Variants in PMFBP1 observed in about 807,000 individuals in gnomAD.
PMFBP1 encodes the protein polyamine-modulated factor 1-binding protein 1.
In PMFBP1, 131 loss-of-function variants were observed where a neutral mutation model predicts 137.8. That is an observed-to-expected ratio of 0.95 (90% CI 0.82 to 1.10). The LOEUF (loss-of-function observed/expected upper bound fraction) is 1.10. Among genes scored for constraint, PMFBP1 ranks in the 50% least tolerant of loss-of-function variants. The pLI, the probability that PMFBP1 is intolerant of heterozygous loss-of-function variation, is 0.00. For missense variants in PMFBP1, 1,199 were observed against 1,175.4 expected (o/e 1.02, Z -0.29); for synonymous variants, 490 against 450.4 (o/e 1.09, Z -1.11).
In PMFBP1 at chr16:72,121,154, T is replaced by G. The variant is rs559244584; in HGVS notation, c.2769-1065A>C. ...TTTACTTACACCCTAGTAAAAAGTTTCGTGGTCTTTTCTAGAGGAAATCAA... is the reference window on the plus strand; with the variant it reads ...TTTACTTACACCCTAGTAAAAAGTTGCGTGGTCTTTTCTAGAGGAAATCAA... On this transcript the variant is annotated intron_variant, in intron 19 of 20. Transcript: ENST00000237353. Among the ~76,000 whole-genome samples the G allele has an allele frequency of 8.5e-5, 13 of 152,310 alleles. No individual in the cohort carries two copies. In the East Asian group the frequency reaches 2.5e-3, roughly 29 times the overall value.
At chr16:72,128,480 C>A in intron 14 of PMFBP1, 177 bp downstream of exon 14, 1 of 1,537,666 alleles carries the variant, frequency 6.5e-7, no homozygotes, top group Non-Finnish European at 8.7e-7. Flanking sequence ...AGAAACATTT[C>A]TCTGGCTCAG....
the PMFBP1 span, among the ~76,000 whole-genome samples, chr16:72,195,765 A>C: frequency 2.0e-4 from 30 of 152,220 alleles, no homozygotes; most frequent in Non-Finnish European, 3.8e-4. Flanking sequence ...CAGCAGCACT[A>C]GGTGATGCTG....
At chr16:72,166,663 A>G (rs2043149664) in intron 2 of PMFBP1, among the ~76,000 whole-genome samples, 1 of 152,164 alleles carries the variant, frequency 6.6e-6, no homozygotes, top group South Asian at 2.1e-4. Flanking sequence ...TGTGGTCAGT[A>G]ATTTTAGCCT....
the PMFBP1 span, among the ~76,000 whole-genome samples, chr16:72,235,467 C>T: frequency 1.3e-3 from 201 of 150,258 alleles, no homozygotes; most frequent in Non-Finnish European, 1.8e-3. Flanking sequence ...TCTAACAATC[C>T]TATTTTTCAT....
At chr16:72,209,055 C>T in the PMFBP1 span, among the ~76,000 whole-genome samples, 7 of 152,350 alleles carry the variant, frequency 4.6e-5, no homozygotes, top group Middle Eastern at 3.4e-3. Context: ...CACACACCTC[C>T]GCTCTTAGAC....
intron 4 of PMFBP1, among the ~76,000 whole-genome samples, chr16:72,152,008 C>T (rs768332238): frequency 1.2e-4 from 19 of 152,144 alleles, no homozygotes; most frequent in Non-Finnish European, 1.8e-4. Context: ...ACACTATCTC[C>T]CAGAGTTCCC....
At chr16:72,234,552 C>T in the PMFBP1 span, among the ~76,000 whole-genome samples, 1 of 152,192 alleles carries the variant, frequency 6.6e-6, no homozygotes, top group Admixed American at 6.5e-5. Flanking sequence ...TTAACAGCAA[C>T]GTCCAACCCC....
At chr16:72,126,291 G>A (rs2042457560) in intron 14 of PMFBP1, among the ~76,000 whole-genome samples, 159 bp from the exon 15 acceptor site, 1 of 152,206 alleles carries the variant, frequency 6.6e-6, no homozygotes, top group African/African-American at 2.4e-5. Flanking sequence ...CACTGTAAAA[G>A]GTAGAGCTGT....
chr16:72,155,764 T>A (rs147278699), intron 3 of PMFBP1, among the ~76,000 whole-genome samples: 4 of 152,300 alleles, frequency 2.6e-5, no homozygotes, highest in South Asian at 2.1e-4. Flanking sequence ...CAGTGACTTG[T>A]AATAAACTTA....
chr16:72,163,928 T>TC (rs1555546864), intron 3 of PMFBP1, among the ~76,000 whole-genome samples: 2 of 129,306 alleles, frequency 1.5e-5, no homozygotes, highest in Non-Finnish European at 3.3e-5. Context: ...GTGGAAAGGG[T>TC]GGGGGGGGTG....
At chr16:72,189,597 A>G in the PMFBP1 span, among the ~76,000 whole-genome samples, 1 of 152,258 alleles carries the variant, frequency 6.6e-6, no homozygotes. Flanking sequence ...CCACAGTGTC[A>G]GCTGCTACAG....
intron 4 of PMFBP1, among the ~76,000 whole-genome samples, chr16:72,152,097 T>C (rs942163526): frequency 6.6e-6 from 1 of 152,230 alleles, no homozygotes; most frequent in Non-Finnish European, 1.5e-5. Context: ...CACTTGCTCA[T>C]GTGCATGCAG....
In PMFBP1 at chr16:72,130,500, C is replaced by T. The variant is rs549483104; in HGVS notation, c.1637+33G>A. ...CCCGGCTGGGTCAAGAGTGACAGAA[C>T]CTCTCTCTGGAGGGGAGCCTGAGCC... On this transcript the variant is annotated intron_variant, in intron 11 of 20. Transcript: ENST00000237353. 107 of 1,612,494 alleles carry T rather than the reference C, an allele frequency of 6.6e-5. 1 individual carries two copies. The South Asian group carries it at 1.0e-3, about 15-fold the overall frequency.
At chr16:72,218,677 TC>T in the PMFBP1 span, among the ~76,000 whole-genome samples, 1 of 152,228 alleles carries the variant, frequency 6.6e-6, no homozygotes, top group Non-Finnish European at 1.5e-5. Flanking sequence ...TGCAAAACAT[TC>T]CAGAAAGTAC....
At position 72,134,653 on chromosome 16, in the gene PMFBP1, G is replaced by T. The variant is rs2042597918; in HGVS notation, c.1204-1662C>A. On this transcript the variant is annotated intron_variant, in intron 9 of 20. Transcript: ENST00000237353. ...GCCACCCTCACAACTCTCTGCCTCT[G>T]CTGAGCTCCTGGAACACTCCAAGCA... 2.6e-5 allele frequency among the ~76,000 whole-genome samples: 4 copies of T among 152,170 alleles called. No individual in the cohort carries two copies. The South Asian group carries it at 8.3e-4, about 32-fold the overall frequency.
the PMFBP1 span, among the ~76,000 whole-genome samples, chr16:72,218,649 T>C: frequency 2.0e-5 from 3 of 152,200 alleles, no homozygotes; most frequent in Non-Finnish European, 2.9e-5. Context: ...ATTTCAAATA[T>C]CAACTTCTAA....
At chr16:72,195,981 ATGTG>A in the PMFBP1 span, among the ~76,000 whole-genome samples, 20,914 of 144,686 alleles carry the variant, frequency 0.14, 1,690 homozygotes, top group Admixed American at 0.25. Flanking sequence ...AGCTTACAGA[ATGTG>A]TGTGTGTGTG....
chr16:72,150,558 C>A, intron 5 of PMFBP1, 50 bp downstream of exon 5: 1 of 1,577,956 alleles, frequency 6.3e-7, no homozygotes, highest in South Asian at 1.1e-5. Flanking sequence ...AGGGGACCAC[C>A]TGGGAGCACA....
chr16:72,140,926 G>GTGTTTTTT, intron 5 of PMFBP1, among the ~76,000 whole-genome samples: 1 of 83,566 alleles, frequency 1.2e-5, no homozygotes, highest in Non-Finnish European at 2.4e-5. Context: ...ACACAAATGA[G>GTGTTTTTT]TCTTTTTTTT....
Sources: allele counts gnomAD v4.1 joint callset (sites outside exome capture counted in the v4.1 genomes callset), GRCh38; gene constraint gnomAD v4.1.1; transcripts MANE v1.5; gene names NCBI Gene and HGNC (gene_info 2026-07-23, HGNC 2026-07-21).